The following FRMD4B variants were observed in gnomAD, a reference collection of about 807,000 sequenced individuals.
FRMD4B encodes FERM domain containing 4B, also known as FERM domain-containing protein 4B.
A neutral mutation model predicts 141.5 loss-of-function variants in FRMD4B; 74 were observed. That is an observed-to-expected ratio of 0.52 (90% confidence interval 0.43 to 0.63). The LOEUF (loss-of-function observed/expected upper bound fraction) is 0.63, where lower values mean the gene tolerates loss of function less well. FRMD4B is among the 30% of genes least tolerant of loss of function. The pLI is 0.00. For missense variants in FRMD4B, 1,366 were observed against 1,253.4 expected, an observed-to-expected ratio of 1.09 and a Z score of -1.36; for synonymous variants, 506 against 467.9, an observed-to-expected ratio of 1.08 and a Z score of -1.05.
chr3:69,366,071 AC>A (rs1703640137), intron 1 of FRMD4B, among the ~76,000 whole-genome samples: 1 of 141,704 alleles, frequency 7.1e-6, no homozygotes, highest in Non-Finnish European at 1.5e-5. Flanking sequence ...ACACACACAC[AC>A]ACACACACAC....
intron 7 of FRMD4B, chr3:69,228,345 T>G (rs963842432): frequency 2.4e-5 from 11 of 456,786 alleles, no homozygotes; most frequent in South Asian, 1.7e-4. Flanking sequence ...TGCAAATATC[T>G]TGGGGCCAAG....
intron 7 of FRMD4B, among the ~76,000 whole-genome samples, chr3:69,229,104 C>T (rs1431797707): frequency 1.3e-5 from 2 of 148,566 alleles, no homozygotes; most frequent in Non-Finnish European, 3.0e-5. Flanking sequence ...TGGCTCACTG[C>T]AGCCTCAACC....
At chr3:69,219,322 T>A (rs1470527949) in intron 9 of FRMD4B, among the ~76,000 whole-genome samples, 3 of 151,568 alleles carry the variant, frequency 2.0e-5, no homozygotes, top group African/African-American at 4.8e-5. Flanking sequence ...AGGCTCCTGT[T>A]TTAACGCAAG....
intron 7 of FRMD4B, among the ~76,000 whole-genome samples, chr3:69,231,685 C>G (rs2093306789): frequency 6.6e-6 from 1 of 152,154 alleles, no homozygotes. Context: ...TCAAGTATGG[C>G]CAGTTGAGTG....
chr3:69,311,404 T>C, intron 2 of FRMD4B, 47 bp from the exon 3 acceptor site: 1 of 865,430 alleles, frequency 1.2e-6, no homozygotes. Flanking sequence ...TGCCTCTCTC[T>C]TACTGCTACC....
At chr3:69,320,228 A>T (rs569573503) in intron 1 of FRMD4B, among the ~76,000 whole-genome samples, 108 of 152,238 alleles carry the variant, frequency 7.1e-4, no homozygotes, top group East Asian at 3.7e-3. Flanking sequence ...CAATTAAAAA[A>T]TTTTTTTTAA....
intron 21 of FRMD4B, among the ~76,000 whole-genome samples, chr3:69,180,213 T>A (rs7641024): frequency 2.5e-5 from 3 of 119,498 alleles, no homozygotes; most frequent in Admixed American, 9.6e-5. Context: ...CTGGGCAACA[T>A]AGCAAGACCC....
At chr3:69,452,599 A>G (rs1317822759) in intron 1 of FRMD4B, among the ~76,000 whole-genome samples, 1 of 152,266 alleles carries the variant, frequency 6.6e-6, no homozygotes, top group Non-Finnish European at 1.5e-5. Flanking sequence ...ATTATCAAAT[A>G]CACATTGGAT....
At chr3:69,316,958 C>A (rs1701821208) in intron 1 of FRMD4B, among the ~76,000 whole-genome samples, 1 of 152,056 alleles carries the variant, frequency 6.6e-6, no homozygotes, top group Non-Finnish European at 1.5e-5. Context: ...GCTGTCTCTA[C>A]TAAAAGTACA....
intron 5 of FRMD4B, among the ~76,000 whole-genome samples, chr3:69,277,515 GCTTTTTTT>G (rs2093623287): frequency 2.5e-5 from 2 of 80,262 alleles, no homozygotes; most frequent in Admixed American, 1.7e-4. Context: ...CTTTCTTTCT[GCTTTTTTT>G]TTTTTTTTTT....
chr3:69,439,448 T>G (rs1178371439), intron 1 of FRMD4B, among the ~76,000 whole-genome samples: 1 of 152,162 alleles, frequency 6.6e-6, no homozygotes, highest in Non-Finnish European at 1.5e-5. Flanking sequence ...CCTGGGGTGG[T>G]CCAATCCTCC....
intron 1 of FRMD4B, among the ~76,000 whole-genome samples, chr3:69,343,540 T>G (rs1575748767): frequency 6.6e-6 from 1 of 150,552 alleles, no homozygotes; most frequent in Non-Finnish European, 1.5e-5. Context: ...TTAATTAAAC[T>G]CCACTACTTA....
chr3:69,189,992 T>C (rs771379812), intron 17 of FRMD4B, 40 bp from the exon 18 acceptor site: 1 of 1,182,438 alleles, frequency 8.5e-7, no homozygotes, highest in South Asian at 1.3e-5. Flanking sequence ...AATTGTGCAT[T>C]TATACAATTA....
chr3:69,500,658 C>T (rs1383817937), intron 1 of FRMD4B, among the ~76,000 whole-genome samples: 1 of 152,082 alleles, frequency 6.6e-6, no homozygotes, highest in East Asian at 1.9e-4. Context: ...TTACCTGAAC[C>T]TGGTAAGAAC....
At chr3:69,387,749 G>A (rs1704294170), upstream of FRMD4B, among the ~76,000 whole-genome samples, 1 of 152,182 alleles carries the variant, frequency 6.6e-6, no homozygotes. Flanking sequence ...TCCTCAAAGT[G>A]CCTGTTGTTT....
intron 1 of FRMD4B, among the ~76,000 whole-genome samples, chr3:69,463,306 TG>T (rs892319070): frequency 6.6e-6 from 1 of 152,226 alleles, no homozygotes; most frequent in Non-Finnish European, 1.5e-5. Flanking sequence ...CAGTTTTGCC[TG>T]GGGGATCTGT....
intron 8 of FRMD4B, among the ~76,000 whole-genome samples, chr3:69,223,902 C>T (rs1040883493): frequency 9.2e-5 from 14 of 152,234 alleles, no homozygotes; most frequent in African/African-American, 3.4e-4. Context: ...AGTCAAGATG[C>T]TATGTAGCCT....
At chr3:69,243,880 T>C (rs1287215477) in intron 7 of FRMD4B, among the ~76,000 whole-genome samples, 1 of 152,054 alleles carries the variant, frequency 6.6e-6, no homozygotes, top group Admixed American at 6.6e-5. Flanking sequence ...ACCCCGTCTC[T>C]ACTAAAAACA....
At chr3:69,446,988 G>A (rs1705419222) in intron 1 of FRMD4B, among the ~76,000 whole-genome samples, 1 of 152,142 alleles carries the variant, frequency 6.6e-6, no homozygotes, top group Non-Finnish European at 1.5e-5. Flanking sequence ...ATTGAAGCAG[G>A]TAGAGTTTTT....
Sources: gnomAD v4.1 joint callset for allele counts (sites outside exome capture counted in the v4.1 genomes callset) on GRCh38, gnomAD v4.1.1 for gene constraint, MANE v1.5 for transcripts, NCBI Gene and HGNC (gene_info 2026-07-23, HGNC 2026-07-21) for gene names.